Variants in KLHL1 observed in about 807,000 individuals in gnomAD.
KLHL1 encodes the protein kelch-like protein 1.
In KLHL1, 47 loss-of-function variants were observed where a neutral mutation model predicts 77.7. That is an observed-to-expected ratio of 0.60 (90% CI 0.48 to 0.77). KLHL1 has a LOEUF of 0.77. Among genes scored for constraint, KLHL1 ranks in the 30% least tolerant of loss-of-function variants. The probability of loss-of-function intolerance (pLI) is 0.00; values close to 1 mark genes in which losing one functional copy is unlikely to be tolerated. For synonymous variants in KLHL1, 360 were observed against 325.2 expected, an observed-to-expected ratio of 1.11 and a Z score of -1.15; for missense variants, 925 against 910.8, an observed-to-expected ratio of 1.02 and a Z score of -0.20.
At chr13:69,961,215 A>AT in intron 3 of KLHL1, 93 bp downstream of exon 3, 1 of 1,194,224 alleles carries the variant, frequency 8.4e-7, no homozygotes, top group Non-Finnish European at 1.2e-6. Context: ...AGAATACAGA[A>AT]TTTTTTTTAA....
intron 5 of KLHL1, among the ~76,000 whole-genome samples, chr13:69,843,656 C>G (rs565766890): frequency 1.3e-5 from 2 of 151,642 alleles, no homozygotes; most frequent in African/African-American, 4.8e-5. Flanking sequence ...GTTAGTGGTA[C>G]AGTAAGTTAT....
chr13:69,859,402 A>G (rs1019259715), intron 5 of KLHL1, among the ~76,000 whole-genome samples: 1 of 151,930 alleles, frequency 6.6e-6, no homozygotes, highest in African/African-American at 2.4e-5. Context: ...AGGAGAGGGA[A>G]GAATATTTAT....
chr13:70,062,139 C>T (rs1397152540), intron 1 of KLHL1, among the ~76,000 whole-genome samples: 1 of 152,124 alleles, frequency 6.6e-6, no homozygotes, highest in Non-Finnish European at 1.5e-5. Flanking sequence ...CTGATTCCAG[C>T]TACTACAATA....
intron 7 of KLHL1, among the ~76,000 whole-genome samples, chr13:69,752,797 A>G (rs1282530818): frequency 6.6e-6 from 1 of 152,156 alleles, no homozygotes; most frequent in African/African-American, 2.4e-5. Context: ...AACTCAGGCT[A>G]TATATGGCCA....
intron 7 of KLHL1, among the ~76,000 whole-genome samples, chr13:69,771,591 T>C (rs1875565771): frequency 6.6e-6 from 1 of 152,198 alleles, no homozygotes; most frequent in Non-Finnish European, 1.5e-5. Context: ...ATAGATTCAC[T>C]TTAGCCGCTT....
At chr13:70,049,018 C>G (rs901431637) in intron 1 of KLHL1, among the ~76,000 whole-genome samples, 2 of 152,140 alleles carry the variant, frequency 1.3e-5, no homozygotes, top group African/African-American at 4.8e-5. Flanking sequence ...AACAGAAATT[C>G]ATTTGTGATA....
intron 1 of KLHL1, among the ~76,000 whole-genome samples, chr13:70,080,425 A>G (rs1214134517): frequency 1.3e-5 from 2 of 152,180 alleles, no homozygotes; most frequent in African/African-American, 2.4e-5. Context: ...TCATCTTTCT[A>G]TATCTACCAG....
At chr13:70,081,695 C>T (rs1342875963) in intron 1 of KLHL1, among the ~76,000 whole-genome samples, 2 of 152,172 alleles carry the variant, frequency 1.3e-5, no homozygotes, top group African/African-American at 2.4e-5. Context: ...TTTCCATTGT[C>T]AAGCTTCTTG....
chr13:69,707,522 T>G, intron 10 of KLHL1, 103 bp downstream of exon 10: 1 of 1,054,442 alleles, frequency 9.5e-7, no homozygotes, highest in South Asian at 2.4e-5. Context: ...ATTTTTGGTT[T>G]AGGGTAATTA....
At chr13:70,104,998 C>A (rs747339172) in intron 1 of KLHL1, among the ~76,000 whole-genome samples, 3 of 151,916 alleles carry the variant, frequency 2.0e-5, no homozygotes, top group African/African-American at 4.8e-5. Flanking sequence ...AGCAGAGAAC[C>A]AATTCTCTAT....
At chr13:69,986,472 T>A (rs2137306704) in intron 1 of KLHL1, among the ~76,000 whole-genome samples, 1 of 152,100 alleles carries the variant, frequency 6.6e-6, no homozygotes, top group East Asian at 1.9e-4. Context: ...ATGTATCAAT[T>A]AAAAACAAAC....
chr13:69,844,683 C>T (rs749075583), intron 5 of KLHL1, among the ~76,000 whole-genome samples: 24 of 151,590 alleles, frequency 1.6e-4, no homozygotes, highest in Non-Finnish European at 2.2e-4. Flanking sequence ...GAGTACTACC[C>T]AGCTTCCTAT....
At chr13:69,899,622 A>G (rs1265402948) in intron 4 of KLHL1, among the ~76,000 whole-genome samples, 1 of 152,132 alleles carries the variant, frequency 6.6e-6, no homozygotes, top group Admixed American at 6.5e-5. Context: ...GCCTACTCTG[A>G]AGAAAAAGTG....
At chr13:69,787,651 T>C (rs557367196) in intron 7 of KLHL1, among the ~76,000 whole-genome samples, 1 of 152,250 alleles carries the variant, frequency 6.6e-6, no homozygotes, top group South Asian at 2.1e-4. Flanking sequence ...AAAGCCAGAA[T>C]TGACAAATGG....
At chr13:69,900,487 T>C (rs531316848) in intron 4 of KLHL1, among the ~76,000 whole-genome samples, 94 of 152,352 alleles carry the variant, frequency 6.2e-4, no homozygotes, top group Non-Finnish European at 1.1e-3. Context: ...TTTTTCACCA[T>C]TGTTCCCAGT....
At chr13:69,916,290 C>G (rs532805625) in intron 4 of KLHL1, among the ~76,000 whole-genome samples, 3,990 of 151,914 alleles carry the variant, frequency 0.026, 66 homozygotes, top group Non-Finnish European at 0.041. Context: ...CACATGCACA[C>G]GTATGTTTAT....
intron 7 of KLHL1, among the ~76,000 whole-genome samples, chr13:69,772,964 T>TG (rs1436797470): frequency 7.9e-5 from 12 of 152,190 alleles, no homozygotes; most frequent in Non-Finnish European, 4.4e-5. Flanking sequence ...GGAATATTCT[T>TG]GGATTCTTGA....
At chr13:70,105,497 A>C (rs1033199438) in intron 1 of KLHL1, among the ~76,000 whole-genome samples, 29 of 151,492 alleles carry the variant, frequency 1.9e-4, no homozygotes, top group Admixed American at 1.3e-3. Flanking sequence ...AAAATTGACA[A>C]ACACACATAA....
At chr13:69,957,333 G>A (rs1289381529) in intron 3 of KLHL1, among the ~76,000 whole-genome samples, 2 of 151,630 alleles carry the variant, frequency 1.3e-5, no homozygotes, top group East Asian at 1.9e-4. Flanking sequence ...AATCCTGTGC[G>A]TTGCCAAATT....
Sources: gnomAD v4.1 joint callset for allele counts (sites outside exome capture counted in the v4.1 genomes callset) on GRCh38, gnomAD v4.1.1 for gene constraint, MANE v1.5 for transcripts, NCBI Gene and HGNC (gene_info 2026-07-23, HGNC 2026-07-21) for gene names.